The following ZMYND12 variants were observed in gnomAD, a reference collection of about 807,000 sequenced individuals.
ZMYND12 encodes the protein zinc finger MYND domain-containing protein 12.
A neutral mutation model predicts 41.7 loss-of-function variants in ZMYND12; 32 were observed. The observed-to-expected ratio is 0.77, with a 90% confidence interval of 0.58 to 1.03. The LOEUF (loss-of-function observed/expected upper bound fraction) is 1.03. ZMYND12 is among the 50% of genes least tolerant of loss of function. The pLI, the probability that ZMYND12 is intolerant of heterozygous loss-of-function variation, is 0.00. For missense variants in ZMYND12, 424 were observed against 438.5 expected (o/e 0.97, Z 0.30); for synonymous variants, 148 against 164.8 (o/e 0.90, Z 0.78).
At chr1:42,455,333 C>T (rs1343280814) in intron 1 of ZMYND12, among the ~76,000 whole-genome samples, 2 of 151,922 alleles carry the variant, frequency 1.3e-5, no homozygotes, top group Non-Finnish European at 2.9e-5. Flanking sequence ...AGTGCAGTGG[C>T]GCGATCTCCG....
intron 5 of ZMYND12, among the ~76,000 whole-genome samples, chr1:42,435,721 C>A (rs893550361): frequency 4.6e-5 from 7 of 152,220 alleles, no homozygotes; most frequent in Admixed American, 6.5e-5. Context: ...TCCCATTTTA[C>A]ATGTAAATAA....
At chr1:42,430,926 G>A in intron 7 of ZMYND12, 68 bp from the exon 8 acceptor site, 3 of 1,593,258 alleles carry the variant, frequency 1.9e-6, no homozygotes, top group Non-Finnish European at 2.6e-6. Context: ...AGCCCCATCT[G>A]TGCTCAACTC....
intron 3 of ZMYND12, among the ~76,000 whole-genome samples, chr1:42,443,261 G>C (rs923579427): frequency 2.6e-5 from 4 of 152,222 alleles, no homozygotes; most frequent in Non-Finnish European, 5.9e-5. Context: ...ATTACAGTCA[G>C]AACTAAGCTT....
Position 42,433,468 on chromosome 1 carries a change from A to C in ZMYND12, c.830-180T>G, listed in dbSNP as rs1275402424. Among the ~76,000 whole-genome samples the C allele has an allele frequency of 2.0e-5, 3 of 152,204 alleles. No homozygotes were observed. The East Asian group carries it at 5.8e-4, about 29-fold the overall frequency. On this transcript the variant is annotated intron_variant, in intron 6 of 7. Coordinates refer to ENST00000372565, the MANE Select transcript of ZMYND12 (RefSeq NM_032257.5). ...GACTCCCTCCAGGTGCAAAGCAGGA[A>C]GCTCCGAAGCAGGAGTTTCAGACCG... is the stretch of plus-strand genomic sequence containing the variant.
intron 6 of ZMYND12, 121 bp downstream of exon 6, chr1:42,435,153 T>C (rs1027556093): frequency 2.7e-6 from 2 of 736,124 alleles, no homozygotes; most frequent in South Asian, 3.4e-5. Flanking sequence ...ATCAGCAACA[T>C]GGGGAAGGTG....
chr1:42,440,105 C>T, intron 3 of ZMYND12, 80 bp from the exon 4 acceptor site: 1 of 1,428,010 alleles, frequency 7.0e-7, no homozygotes, highest in Non-Finnish European at 9.3e-7. Flanking sequence ...ATTACCCATT[C>T]ACTCATGTAT....
At chr1:42,440,669 TG>T (rs1553179063) in intron 3 of ZMYND12, among the ~76,000 whole-genome samples, 107 of 105,768 alleles carry the variant, frequency 1.0e-3, no homozygotes, top group African/African-American at 3.7e-3. Flanking sequence ...GTCCTTTTTT[TG>T]TTGTTGTTGT....
chr1:42,440,226 G>A lies in ZMYND12; in HGVS notation c.425-201C>T, dbSNP rs189821119. Reference sequence around the variant, plus strand: ...ACAGAAACAATGTAAATGTCCATCAGCTGATGAGTGGATGAACAAAAGGAG... The same window carrying A: ...ACAGAAACAATGTAAATGTCCATCAACTGATGAGTGGATGAACAAAAGGAG... On this transcript the variant is annotated intron_variant, in intron 3 of 7. Coordinates refer to ENST00000372565, the MANE Select transcript of ZMYND12 (RefSeq NM_032257.5). Among the ~76,000 whole-genome samples the A allele has an allele frequency of 4.2e-3, 635 of 151,080 alleles. 2 individuals are homozygous for A. Among genetic ancestry groups the A allele is most frequent in the Non-Finnish European group, 3.9e-3 (264 of 67,860 alleles).
At position 42,444,968 on chromosome 1, in the gene ZMYND12, C is replaced by T. The variant is rs187198220; in HGVS notation, c.424+3499G>A. On this transcript the variant is annotated intron_variant, in intron 3 of 7. Transcript: ENST00000372565. ...GACTACAGGCACCCGCCACCACGCCCGGCTAATTTTTTTGTATTTTTAGTA... is the reference window on the plus strand; with the variant it reads ...GACTACAGGCACCCGCCACCACGCCTGGCTAATTTTTTTGTATTTTTAGTA... Among the ~76,000 whole-genome samples, 888 of 151,386 alleles carry T rather than the reference C, an allele frequency of 5.9e-3. 8 individuals are homozygous for T. Among genetic ancestry groups the T allele is most frequent in the African/African-American group, 0.02 (816 of 41,384 alleles).
intron 3 of ZMYND12, among the ~76,000 whole-genome samples, chr1:42,446,781 A>G (rs1282242433): frequency 1.3e-5 from 2 of 152,168 alleles, no homozygotes; most frequent in Non-Finnish European, 2.9e-5. Flanking sequence ...AATACCCCAA[A>G]AGCATGAGTA....
intron 1 of ZMYND12, among the ~76,000 whole-genome samples, chr1:42,455,569 C>T (rs1643155040): frequency 6.6e-6 from 1 of 152,220 alleles, no homozygotes; most frequent in African/African-American, 2.4e-5. Context: ...CCACCGCGCC[C>T]GGCCTGTTTC....
chr1:42,451,205 G>C (rs899120579), intron 1 of ZMYND12, among the ~76,000 whole-genome samples: 1 of 152,090 alleles, frequency 6.6e-6, no homozygotes, highest in Non-Finnish European at 1.5e-5. Flanking sequence ...ATTCATTACT[G>C]AGAGTGGGAT....
intron 3 of ZMYND12, among the ~76,000 whole-genome samples, chr1:42,442,883 G>A (rs1346817697): frequency 1.3e-5 from 2 of 152,156 alleles, no homozygotes; most frequent in East Asian, 3.9e-4. Context: ...TTAGGAGCAC[G>A]AGGCCTAGTC....
chr1:42,437,743 G>A (rs1289091734), intron 4 of ZMYND12, among the ~76,000 whole-genome samples: 3 of 151,632 alleles, frequency 2.0e-5, no homozygotes, highest in East Asian at 3.9e-4. Flanking sequence ...GTGCAGTGGC[G>A]CAATCCTGGC....
intron 7 of ZMYND12, among the ~76,000 whole-genome samples, chr1:42,431,568 G>A (rs997977857): frequency 6.6e-6 from 1 of 152,182 alleles, no homozygotes; most frequent in South Asian, 2.1e-4. Context: ...TCAAGTGAAG[G>A]CCTGAAGGAA....
intron 4 of ZMYND12, 151 bp downstream of exon 4, chr1:42,439,705 T>C: frequency 1.2e-6 from 1 of 832,360 alleles, no homozygotes; most frequent in South Asian, 2.1e-5. Context: ...TAGAATTGTG[T>C]TATGGCTAAC....
At chr1:42,455,792 CA>C in intron 1 of ZMYND12, 95 bp downstream of exon 1, 1 of 925,142 alleles carries the variant, frequency 1.1e-6, no homozygotes, top group Non-Finnish European at 1.6e-6. Context: ...CTTGCAGAGT[CA>C]GGGGCAACGG....
At chr1:42,441,644 G>A (rs1018713806) in intron 3 of ZMYND12, among the ~76,000 whole-genome samples, 14 of 150,902 alleles carry the variant, frequency 9.3e-5, no homozygotes, top group Admixed American at 2.0e-4. Context: ...TTTTTGAGAC[G>A]GAGTCTTGCT....
intron 1 of ZMYND12, among the ~76,000 whole-genome samples, chr1:42,454,992 C>T (rs1643138501): frequency 6.6e-6 from 1 of 152,188 alleles, no homozygotes; most frequent in East Asian, 1.9e-4. Context: ...ACTTTCTACT[C>T]ATTCTGTGCT....
Sources: gnomAD v4.1 joint callset for allele counts (sites outside exome capture counted in the v4.1 genomes callset) on GRCh38, gnomAD v4.1.1 for gene constraint, MANE v1.5 for transcripts, NCBI Gene and HGNC (gene_info 2026-07-23, HGNC 2026-07-21) for gene names.